FTO: variants seen among roughly 807,000 people sequenced by gnomAD.
FTO encodes FTO alpha-ketoglutarate dependent dioxygenase, also known as alpha-ketoglutarate-dependent dioxygenase FTO.
Under a neutral mutation model 63.9 loss-of-function variants are expected in FTO, and 47 were observed. The observed-to-expected ratio is 0.74, with a 90% CI of 0.58 to 0.94. The LOEUF (loss-of-function observed/expected upper bound fraction) is 0.94. Among genes scored for constraint, FTO ranks in the 40% least tolerant of loss-of-function variants. FTO has a pLI of 0.00. For missense variants in FTO, 562 were observed against 618.1 expected, an observed-to-expected ratio of 0.91 and a Z score of 0.96; for synonymous variants, 207 against 224.4, an observed-to-expected ratio of 0.92 and a Z score of 0.69.
intron 8 of FTO, chr16:53,991,845 A>G (rs1360659339): frequency 1.3e-5 from 2 of 152,202 alleles, no homozygotes; most frequent in African/African-American, 4.8e-5. Context: ...AAGTCATTCA[A>G]ACACTTTAAA....
intron 8 of FTO, among the ~76,000 whole-genome samples, chr16:53,953,430 C>T (rs541412705): frequency 3.3e-5 from 5 of 152,118 alleles, no homozygotes; most frequent in South Asian, 2.1e-4. Context: ...CATTTTATCC[C>T]GTGTAATTTC....
chr16:53,857,156 GT>G (rs1192430910), intron 4 of FTO, among the ~76,000 whole-genome samples: 2 of 152,150 alleles, frequency 1.3e-5, no homozygotes, highest in South Asian at 4.2e-4. Flanking sequence ...TATTGTAGGG[GT>G]TTAGTATACA....
chr16:54,073,802 C>A (rs1378086942), intron 8 of FTO, among the ~76,000 whole-genome samples: 1 of 152,084 alleles, frequency 6.6e-6, no homozygotes, highest in Non-Finnish European at 1.5e-5. Flanking sequence ...ACAGAATTTT[C>A]ATTCTATAGA....
intron 7 of FTO, among the ~76,000 whole-genome samples, chr16:53,926,680 C>T (rs1367345276): frequency 1.3e-5 from 2 of 152,134 alleles, no homozygotes; most frequent in Non-Finnish European, 2.9e-5. Flanking sequence ...TGAGTAGTTA[C>T]TGGAAAGTTA....
intron 8 of FTO, among the ~76,000 whole-genome samples, chr16:54,080,608 G>T (rs1198332355): frequency 6.6e-6 from 1 of 152,202 alleles, no homozygotes; most frequent in African/African-American, 2.4e-5. Context: ...GGGTGGCCTT[G>T]AATTTCAGGC....
intron 8 of FTO, among the ~76,000 whole-genome samples, chr16:54,080,081 G>T (rs1406567347): frequency 6.6e-6 from 1 of 152,058 alleles, no homozygotes; most frequent in Non-Finnish European, 1.5e-5. Context: ...TAGGCTATTA[G>T]GTTTAATAAT....
chr16:53,826,351 T>C lies in FTO; in HGVS notation c.611T>C (p.Leu204Pro). ...AGAGCAGCATACAACGTAACTTTGC[T>C]GAATTTCATGGATCCTCAGAAAATG... The part of the protein sequence containing the change: ...KSRAAYNVTL[L>P]NFMDPQKMPY... Residue 204 changes from leucine to proline, a missense_variant, in exon 3 of 9, where the codon CTG becomes CCG. Physicochemically the swap from Leu to Pro is moderately conservative, Grantham distance 98 (BLOSUM62 -3). Transcript: ENST00000471389. The C allele has an allele frequency of 6.2e-7, 1 of 1,614,216 alleles. No individual in the cohort carries two copies. The highest frequency in any genetic ancestry group is 8.5e-7 in the Non-Finnish European group (1 of 1,180,042).
At chr16:53,863,078 C>G (rs1265132169) in intron 4 of FTO, among the ~76,000 whole-genome samples, 1 of 152,144 alleles carries the variant, frequency 6.6e-6, no homozygotes, top group Non-Finnish European at 1.5e-5. Flanking sequence ...AAGTCAGTTG[C>G]CAGTGGTTTT....
chr16:53,863,760 C>G (rs1235806756), intron 4 of FTO, among the ~76,000 whole-genome samples: 1 of 152,210 alleles, frequency 6.6e-6, no homozygotes, highest in Non-Finnish European at 1.5e-5. Context: ...TGCCCTCCTG[C>G]TCTTTGCTTT....
chr16:53,704,192 G>A lies in FTO; in HGVS notation c.8G>A (p.Arg3His). MK[R>H]TPTAEERERE... ...GGCGGCTTTAGTGGCAGCATGAAGC[G>A]CACCCCGACTGCCGAGGAACGAGAG... The change falls in exon 1 of 9, where the codon CGC becomes CAC. Residue 3 changes from arginine (R) to histidine (H), a missense_variant. Physicochemically the swap from Arg to His is conservative, Grantham distance 29. Coordinates refer to ENST00000471389, the MANE Select transcript of FTO (RefSeq NM_001080432.3). 6.4e-7 allele frequency: 1 copy of A among 1,551,482 alleles called. No homozygotes were observed. Among genetic ancestry groups the A allele is most frequent in the Non-Finnish European group, 8.7e-7 (1 of 1,146,854 alleles).
chr16:54,065,907 G>C (rs2540785), intron 8 of FTO, among the ~76,000 whole-genome samples: 9,540 of 152,214 alleles, frequency 0.063, 412 homozygotes, highest in East Asian at 0.14. Flanking sequence ...GAACCCGTAT[G>C]CCAGCAGCAC....
intron 8 of FTO, among the ~76,000 whole-genome samples, chr16:54,111,496 T>C (rs1438329229): frequency 2.0e-5 from 3 of 152,208 alleles, no homozygotes; most frequent in East Asian, 1.9e-4. Flanking sequence ...AGTAACTGAA[T>C]TTCCCTGATG....
chr16:53,705,091 A>G (rs1253043099), intron 1 of FTO, among the ~76,000 whole-genome samples: 1 of 150,492 alleles, frequency 6.6e-6, no homozygotes, highest in Non-Finnish European at 1.5e-5. Flanking sequence ...GGAATAGCCT[A>G]TTGATTGGCC....
At chr16:53,828,913 C>T (rs892041273) in intron 3 of FTO, among the ~76,000 whole-genome samples, 4 of 152,110 alleles carry the variant, frequency 2.6e-5, no homozygotes, top group African/African-American at 9.7e-5. Context: ...TTTTTTGAGA[C>T]AGAGTGTTGC....
chr16:53,826,869 G>A (rs929961829), intron 3 of FTO, among the ~76,000 whole-genome samples: 1 of 152,212 alleles, frequency 6.6e-6, no homozygotes, highest in African/African-American at 2.4e-5. Context: ...TGCTGATAAA[G>A]AGCTGGGAAA....
At chr16:53,910,052 C>T (rs535288048) in intron 7 of FTO, among the ~76,000 whole-genome samples, 33 of 152,074 alleles carry the variant, frequency 2.2e-4, no homozygotes, top group African/African-American at 4.8e-4. Flanking sequence ...CTACTATGCC[C>T]GGCTAATTTA....
At position 54,093,024 on chromosome 16, in the gene FTO, T is replaced by C. The variant is rs146413806; in HGVS notation, c.1365-18738T>C. 1.4e-3 allele frequency among the ~76,000 whole-genome samples: 212 copies of C among 152,262 alleles called. 5 individuals are homozygous for C. The highest frequency in any genetic ancestry group is 0.012 in the Admixed American group (180 of 15,300). ...ACCTTTCCCTCCTTTCCCCATACAT[T>C]TGAACAAAATAAATTAATGGTAGAC... On this transcript the variant is annotated intron_variant, in intron 8 of 8. Transcript: ENST00000471389.
intron 4 of FTO, among the ~76,000 whole-genome samples, chr16:53,857,467 T>TCTCTCTCTCTCTC (rs1555486155): frequency 6.6e-6 from 1 of 151,802 alleles, no homozygotes; most frequent in African/African-American, 2.4e-5. Flanking sequence ...TCTCTCTCTC[T>TCTCTCTCTCTCTC]TTCTATATAT....
At chr16:54,022,483 C>T (rs1202971062) in intron 8 of FTO, among the ~76,000 whole-genome samples, 1 of 151,996 alleles carries the variant, frequency 6.6e-6, no homozygotes, top group Admixed American at 6.6e-5. Flanking sequence ...TTATTTGAAA[C>T]AGCAGTGAGG....
Sources: allele counts gnomAD v4.1 joint callset (sites outside exome capture counted in the v4.1 genomes callset), GRCh38; gene constraint gnomAD v4.1.1; transcripts MANE v1.5; gene names NCBI Gene and HGNC (gene_info 2026-07-23, HGNC 2026-07-21).